The following PCDHA1 variants were observed in gnomAD, a reference collection of about 807,000 sequenced individuals.
PCDHA1 encodes protocadherin alpha-1.
In PCDHA1, 42 loss-of-function variants were observed where a neutral mutation model predicts 61.3. The ratio of observed to expected loss-of-function variants is 0.69; its 90% CI spans 0.54 to 0.89. PCDHA1 has a LOEUF of 0.89. Among genes scored for constraint, PCDHA1 ranks in the 40% least tolerant of loss-of-function variants. The pLI, the probability that PCDHA1 is intolerant of heterozygous loss-of-function variation, is 0.00. For synonymous variants in PCDHA1, 610 were observed against 553.8 expected (o/e 1.10, Z -1.43); for missense variants, 1,256 against 1,235.3 (o/e 1.02, Z -0.25).
intron 1 of PCDHA1, chr5:140,801,819 C>T (rs782046235): frequency 1.1e-5 from 17 of 1,614,088 alleles, no homozygotes; most frequent in Admixed American, 1.7e-5. Context: ...CACTCCTAAG[C>T]ATTATTTACT....
rs2150110873 is a variant in PCDHA1, at chr5:140,821,821, C to T, written c.2394+33137C>T. The T allele has an allele frequency of 6.2e-7, 1 of 1,614,102 alleles. No homozygotes were observed. The highest frequency in any genetic ancestry group is 2.2e-5 in the East Asian group (1 of 44,886). On this transcript the variant is annotated intron_variant, in intron 1 of 3. Coordinates refer to ENST00000504120, the MANE Select transcript of PCDHA1 (RefSeq NM_018900.4). ...AAGTCTGGGATCCCGGCTCCTGCTG[C>T]TCTGGCTTCTCCTTGCCTACTGGAA...
chr5:140,857,290 C>A (rs781985413), intron 1 of PCDHA1: 2 of 1,598,706 alleles, frequency 1.3e-6, no homozygotes, highest in South Asian at 1.1e-5. Flanking sequence ...CTCTGGACCG[C>A]GAGAGGGTGT....
chr5:141,010,360 C>T lies in PCDHA1; in HGVS notation c.*423C>T, dbSNP rs1436094767. 22 of 1,488,936 alleles carry T rather than the reference C, an allele frequency of 1.5e-5. No individual in the cohort carries two copies. Among genetic ancestry groups the T allele is most frequent in the Non-Finnish European group, 1.9e-5 (21 of 1,118,260 alleles). The allele number at this position is 1,488,936 out of a possible 1,614,324, so 92.2% of individuals were successfully genotyped here. ...GGCCACTGGGTATGTGTGGCTACCG[C>T]GGGTATGCGAGTGCCAGATATTGGC... On this transcript the variant is annotated 3_prime_UTR_variant, in exon 4 of 4. Coordinates refer to ENST00000504120, the MANE Select transcript of PCDHA1 (RefSeq NM_018900.4).
chr5:140,999,403 A>G (rs1325467300), intron 3 of PCDHA1, among the ~76,000 whole-genome samples: 7 of 152,176 alleles, frequency 4.6e-5, no homozygotes, highest in African/African-American at 1.7e-4. Context: ...TTTGCATATG[A>G]AAGAATGGGA....
At chr5:140,835,978 A>C in intron 1 of PCDHA1, 1 of 1,613,378 alleles carries the variant, frequency 6.2e-7, no homozygotes, top group Non-Finnish European at 8.5e-7. Context: ...GAGCTGTTGC[A>C]GTTCCAGGTG....
At chr5:140,951,741 C>A (rs1490111006) in intron 1 of PCDHA1, among the ~76,000 whole-genome samples, 3 of 152,062 alleles carry the variant, frequency 2.0e-5, no homozygotes, top group Non-Finnish European at 4.4e-5. Flanking sequence ...CTGCCACTGC[C>A]CTCACCCTCC....
chr5:140,845,010 T>G (rs2150375748), intron 1 of PCDHA1, among the ~76,000 whole-genome samples: 12 of 149,368 alleles, frequency 8.0e-5, no homozygotes, highest in Non-Finnish European at 1.0e-4. Context: ...GAACAAATAA[T>G]GTAATCATTT....
intron 1 of PCDHA1, chr5:140,842,876 G>A (rs2150347081): frequency 6.3e-7 from 1 of 1,593,878 alleles, no homozygotes; most frequent in Non-Finnish European, 8.6e-7. Flanking sequence ...CAAGGTGTAC[G>A]CGCTGCAGCC....
chr5:140,851,342 C>G, intron 1 of PCDHA1: 1 of 978,740 alleles, frequency 1.0e-6, no homozygotes, highest in Non-Finnish European at 1.2e-6. Context: ...CTCTACATTT[C>G]TCTGGATGGA....
intron 1 of PCDHA1, chr5:140,851,749 A>C (rs2042149157): frequency 1.0e-6 from 1 of 971,858 alleles, no homozygotes; most frequent in African/African-American, 1.8e-5. Context: ...CAGAGTCTGT[A>C]ACTTAAAACA....
At chr5:140,966,488 C>A (rs1161799910) in intron 1 of PCDHA1, 8 of 440,132 alleles carry the variant, frequency 1.8e-5, no homozygotes, top group Admixed American at 8.7e-5. Flanking sequence ...TTTCCCTCCC[C>A]CTGGAGCTGT....
At chr5:140,795,345 C>T in intron 1 of PCDHA1, 1 of 1,614,186 alleles carries the variant, frequency 6.2e-7, no homozygotes, top group South Asian at 1.1e-5. Context: ...AGGACATTAA[C>T]GACAACCCGC....
At position 140,927,644 on chromosome 5, in the gene PCDHA1, T is replaced by C. The variant is rs370145398; in HGVS notation, c.2395-51305T>C. On this transcript the variant is annotated intron_variant, in intron 1 of 3. Coordinates refer to ENST00000504120, the MANE Select transcript of PCDHA1 (RefSeq NM_018900.4). The stretch of plus-strand genomic sequence containing the variant: ...CCAGAGACTGCACCCAATGGGACTG[T>C]GTTATTCCGAGTTCAAGCCTTGGAT... The C allele has an allele frequency of 4.6e-5, 74 of 1,614,028 alleles. 1 individual carries two copies. Among genetic ancestry groups the C allele is most frequent in the Non-Finnish European group, 5.8e-5 (68 of 1,180,020 alleles).
chr5:140,874,662 G>A (rs1478767625), intron 1 of PCDHA1, among the ~76,000 whole-genome samples: 1 of 152,170 alleles, frequency 6.6e-6, no homozygotes, highest in Non-Finnish European at 1.5e-5. Flanking sequence ...AAACTTTCCA[G>A]AATCTATTCC....
chr5:140,802,721 G>T (rs782075667), intron 1 of PCDHA1: 20 of 1,612,630 alleles, frequency 1.2e-5, no homozygotes, highest in Middle Eastern at 3.9e-4. Context: ...CGAGCTACGT[G>T]TCGGTACACG....
rs1554117975 is a variant in PCDHA1 at position 140,787,746 on chromosome 5, G to A, written c.1456G>A (p.Glu486Lys). Residue 486 changes from glutamate (E) to lysine (K), a missense_variant, in exon 1 of 4, where the codon GAG (glutamate) becomes AAG (lysine). Physicochemically the swap from Glu to Lys is moderately conservative, Grantham distance 56 (BLOSUM62 1). Coordinates refer to ENST00000504120, the MANE Select transcript of PCDHA1 (RefSeq NM_018900.4). The stretch of plus-strand genomic sequence containing the variant: ...GTCTGCGCGGGACGCGGACGCGCAG[G>A]AGAACGCGCTGGTGTCCTATTCGCT... ...TVSARDADAQENALVSYSLVE... is the reference protein window; with the variant it reads ...TVSARDADAQKNALVSYSLVE... The A allele has an allele frequency of 3.7e-6, 6 of 1,613,340 alleles. No individual in the cohort carries two copies. The South Asian group carries it at 5.5e-5, about 15-fold the overall frequency.
intron 1 of PCDHA1, among the ~76,000 whole-genome samples, chr5:140,898,629 C>T (rs2066883647): frequency 1.3e-5 from 2 of 152,194 alleles, no homozygotes; most frequent in Admixed American, 1.3e-4. Context: ...AGCATAATGC[C>T]TCCAGCTTTG....
intron 1 of PCDHA1, chr5:140,823,417 G>T (rs2150125687): frequency 9.9e-6 from 16 of 1,613,174 alleles, no homozygotes; most frequent in Middle Eastern, 1.7e-4. Context: ...GGGCAGCAAC[G>T]TGACGCTGCA....
chr5:140,874,970 G>T (rs186825854), intron 1 of PCDHA1, among the ~76,000 whole-genome samples: 6 of 152,162 alleles, frequency 3.9e-5, no homozygotes, highest in Non-Finnish European at 7.4e-5. Flanking sequence ...AAGGGGAGGG[G>T]TGCTGTATAT....
Sources: allele counts gnomAD v4.1 joint callset (sites outside exome capture counted in the v4.1 genomes callset), GRCh38; gene constraint gnomAD v4.1.1; transcripts MANE v1.5; gene names NCBI Gene and HGNC (gene_info 2026-07-23, HGNC 2026-07-21).